Variants in TNS1 observed in about 807,000 individuals in gnomAD.
TNS1 encodes tensin-1.
A neutral mutation model predicts 168.6 loss-of-function variants in TNS1; 62 were observed. The ratio of observed to expected loss-of-function variants is 0.37; its 90% CI spans 0.30 to 0.45. The LOEUF (loss-of-function observed/expected upper bound fraction) is 0.45, where lower values mean the gene tolerates loss of function less well. TNS1 is among the 20% of genes least tolerant of loss of function. TNS1 has a pLI of 1.00. For missense variants in TNS1, 2,240 were observed against 2,339.4 expected (o/e 0.96, Z 0.88); for synonymous variants, 934 against 933.2 (o/e 1.00, Z -0.02).
rs1955553702 is a variant in TNS1 at position 217,920,050 on chromosome 2, C to T, written c.228+145G>A. The T allele has an allele frequency of 1.7e-5, 11 of 657,492 alleles. No homozygotes were observed. The East Asian group carries it at 2.2e-4, about 13-fold the overall frequency. 40.7% of individuals were successfully genotyped at this position (657,492 alleles called of 1,614,324 possible). On this transcript the variant is annotated intron_variant, in intron 4 of 32. Transcript: ENST00000682258. The stretch of plus-strand genomic sequence containing the variant: ...GACTCATTTCCTCCCAGGCCCGCTT[C>T]GGCCCAGGGAGGTCGACCCTCCTCC...
At chr2:217,978,734 C>T in intron 3 of TNS1, 31 bp downstream of exon 3, 2 of 701,898 alleles carry the variant, frequency 2.8e-6, no homozygotes, top group Non-Finnish European at 5.2e-6. Context: ...GTCCCAAGTC[C>T]TCCCGGGCCC....
At chr2:217,815,137 T>C (rs1941679932) in intron 24 of TNS1, 139 bp from the exon 25 acceptor site, 1 of 677,340 alleles carries the variant, frequency 1.5e-6, no homozygotes. Flanking sequence ...CAAATTAAGA[T>C]GAGGTCACAC....
intron 1 of TNS1, among the ~76,000 whole-genome samples, chr2:218,008,266 C>A (rs527746837): frequency 2.0e-4 from 31 of 152,324 alleles, no homozygotes; most frequent in African/African-American, 7.2e-4. Flanking sequence ...ACTCAGGCCC[C>A]GCAAAGGCTG....
At chr2:217,809,540 C>CATGG (rs1172756448) in intron 30 of TNS1, among the ~76,000 whole-genome samples, 956 of 10,520 alleles carry the variant, frequency 0.091, 227 homozygotes, top group Non-Finnish European at 0.12. Flanking sequence ...TGGATGGATG[C>CATGG]ATGGATGGAT....
At chr2:218,007,881 G>C (rs938773175), upstream of TNS1, among the ~76,000 whole-genome samples, 2 of 152,184 alleles carry the variant, frequency 1.3e-5, no homozygotes, top group Admixed American at 1.3e-4. Context: ...GCCCTGGCAT[G>C]AGATGCATCA....
At chr2:217,831,220 G>A (rs1200834949) in intron 22 of TNS1, among the ~76,000 whole-genome samples, 1 of 152,188 alleles carries the variant, frequency 6.6e-6, no homozygotes, top group South Asian at 2.1e-4. Flanking sequence ...GGCCTCCAAA[G>A]CCTCAAGCTA....
chr2:217,932,118 A>G (rs1438562558), intron 3 of TNS1, among the ~76,000 whole-genome samples: 1 of 152,190 alleles, frequency 6.6e-6, no homozygotes, highest in Non-Finnish European at 1.5e-5. Context: ...ACAGCTGTGC[A>G]CTAAACCCAA....
chr2:217,848,974 A>G lies in TNS1; in HGVS notation c.1543T>C (p.Ser515Pro). Residue 515 changes from serine (S) to proline (P), a missense_variant, in exon 19 of 33, where the codon TCG becomes CCG. By Grantham distance (74) the Ser-to-Pro change is moderately conservative. Transcript: ENST00000682258. ...GAVNATRPTL[S>P]ATPNHVEHTL... Reference sequence around the variant, plus strand: ...TGTTCCACGTGGTTGGGGGTGGCCGACAGTGTAGGACGTGTGGCATTAACA... The same window carrying G: ...TGTTCCACGTGGTTGGGGGTGGCCGGCAGTGTAGGACGTGTGGCATTAACA... 1.2e-6 allele frequency: 2 copies of G among 1,613,830 alleles called. No individual in the cohort carries two copies. The highest frequency in any genetic ancestry group is 1.6e-4 in the Middle Eastern group (1 of 6,062).
intron 18 of TNS1, among the ~76,000 whole-genome samples, chr2:217,878,651 C>G (rs986995065): frequency 1.3e-5 from 2 of 152,222 alleles, no homozygotes; most frequent in Admixed American, 1.3e-4. Context: ...CACGGACCCC[C>G]AAGAAAACAC....
rs114079285 is a variant in TNS1 at position 217,973,465 on chromosome 2, C to T, written c.186+5300G>A. On this transcript the variant is annotated intron_variant, in intron 3 of 32. Coordinates refer to ENST00000682258, the MANE Select transcript of TNS1 (RefSeq NM_001387777.1). ...AACAACTGGGGACAGATAAGGACCCCAATGAGGGGTAAGGGTGGGAATTAA... is the reference window on the plus strand; with the variant it reads ...AACAACTGGGGACAGATAAGGACCCTAATGAGGGGTAAGGGTGGGAATTAA... Among the ~76,000 whole-genome samples, 901 of 151,920 alleles carry T rather than the reference C, an allele frequency of 5.9e-3. 11 individuals carry two copies. Among genetic ancestry groups the T allele is most frequent in the African/African-American group, 0.021 (858 of 41,420 alleles).
chr2:217,941,549 G>A (rs1027546394), intron 3 of TNS1, among the ~76,000 whole-genome samples: 16 of 152,176 alleles, frequency 1.1e-4, no homozygotes, highest in East Asian at 3.9e-4. Context: ...GGGCCCCTGC[G>A]AGTGGTCTGC....
intron 31 of TNS1, 51 bp from the exon 32 acceptor site, chr2:217,808,158 G>T (rs1220027526): frequency 1.2e-6 from 2 of 1,602,420 alleles, no homozygotes; most frequent in East Asian, 2.2e-5. Flanking sequence ...TCTCCCTAGA[G>T]CCCAGCCCCA....
chr2:217,848,134 C>T lies in TNS1; in HGVS notation c.2383G>A (p.Ala795Thr). ...CTGGCTACAAGACTCTCCAAGTGGG[C>T]TCTTTCCTGCTGGCGTGGAGGTGGG... ...PRPPPRQQER[A>T]HLESLVASRP... is the part of the protein sequence containing the mutation. Residue 795 changes from alanine to threonine, a missense_variant, in exon 19 of 33, where the codon GCC (alanine) becomes ACC (threonine). By Grantham distance (58) the Ala-to-Thr change is moderately conservative. Around this residue, in one of 2 missense-constraint regions of TNS1, gnomAD observed 2,131 missense variants for 2,171.2 expected, o/e 0.98. Coordinates refer to ENST00000682258, the MANE Select transcript of TNS1 (RefSeq NM_001387777.1). 6.3e-7 allele frequency: 1 copy of T among 1,593,904 alleles called. No homozygotes were observed. Among genetic ancestry groups the T allele is most frequent in the South Asian group, 1.2e-5 (1 of 86,822 alleles).
Position 217,813,159 on chromosome 2 carries a change from G to T in TNS1, c.4954+56C>A. 7.2e-7 allele frequency: 1 copy of T among 1,380,238 alleles called. No homozygotes were observed. The highest frequency in any genetic ancestry group is 1.2e-5 in the South Asian group (1 of 81,362). The allele number at this position is 1,380,238 out of a possible 1,614,324, so 85.5% of individuals were successfully genotyped here. Reference sequence around the variant, plus strand: ...GGGGTCAGACCCCTGGAGGAACCCAGGACAGGACCAAGACTCAGGCCAGAC... The same window carrying T: ...GGGGTCAGACCCCTGGAGGAACCCATGACAGGACCAAGACTCAGGCCAGAC... On this transcript the variant is annotated intron_variant, in intron 27 of 32. Coordinates refer to ENST00000682258, the MANE Select transcript of TNS1 (RefSeq NM_001387777.1). The surrounding 1 kb of genome is among the most constrained non-coding windows in gnomAD (Gnocchi z 4.0).
In TNS1 at chr2:217,881,005, T is replaced by C; in HGVS notation, c.1322A>G (p.His441Arg). The C allele has an allele frequency of 6.2e-7, 1 of 1,613,592 alleles. No homozygotes were observed. Among genetic ancestry groups the C allele is most frequent in the Non-Finnish European group, 8.5e-7 (1 of 1,179,670 alleles). The change falls in exon 18 of 33, where the codon CAC (histidine) becomes CGC (arginine). Residue 441 changes from histidine (H) to arginine (R), a missense_variant. Physicochemically the swap from His to Arg is conservative, Grantham distance 29. Around this residue, in one of 2 missense-constraint regions of TNS1, gnomAD observed 2,131 missense variants for 2,171.2 expected, o/e 0.98. Coordinates refer to ENST00000682258, the MANE Select transcript of TNS1 (RefSeq NM_001387777.1). ...YGPEKIQGMEHLENGPSVSVD... is the reference protein window; with the variant it reads ...YGPEKIQGMERLENGPSVSVD... ...AGACACGCTCGGCCCGTTCTCCAGG[T>C]GCTCCATGCCTAAGTGGGATGGGAA... is the stretch of plus-strand genomic sequence containing the variant.
chr2:218,032,556 C>A lies in TNS1; in HGVS notation c.156+1264G>T, dbSNP rs1384851323. ...GCAGCAGGACTGGCAGTGGGTGCGC[C>A]CTGGCAGGCAGCCCAGATGTCTGGG... On this transcript the variant is annotated intron_variant, in intron 1 of 1. Coordinates refer to the TNS1 transcript ENST00000649572. The surrounding 1 kb of genome is among the most constrained non-coding windows in gnomAD (Gnocchi z 4.0). Among the ~76,000 whole-genome samples, 2 of 152,128 alleles carry A rather than the reference C, an allele frequency of 1.3e-5. No homozygotes were observed. Among genetic ancestry groups the A allele is most frequent in the Non-Finnish European group, 2.9e-5 (2 of 68,002 alleles).
chr2:217,800,140 A>G lies in TNS1; in HGVS notation c.*4319T>C, dbSNP rs1323719582. 5 of 152,276 alleles carry G rather than the reference A, an allele frequency of 3.3e-5. No individual in the cohort carries two copies. Among genetic ancestry groups the G allele is most frequent in the Non-Finnish European group, 7.3e-5 (5 of 68,096 alleles). The allele number at this position is 152,276 out of a possible 1,614,324, so 9.4% of individuals were successfully genotyped here. On this transcript the variant is annotated 3_prime_UTR_variant, in exon 33 of 33. Transcript: ENST00000682258. ...AGAAATGGGGAAACACAGCCTGCAC[A>G]CACTGATGTGCTCTCACACACACGC... is the stretch of plus-strand genomic sequence containing the variant.
intron 19 of TNS1, among the ~76,000 whole-genome samples, chr2:217,837,146 T>C (rs961501255): frequency 1.3e-5 from 2 of 151,990 alleles, no homozygotes; most frequent in African/African-American, 2.4e-5. Flanking sequence ...TGGGAAGAGA[T>C]TCCCCGCCCT....
intron 23 of TNS1, among the ~76,000 whole-genome samples, chr2:217,819,846 A>T (rs1331156754): frequency 6.6e-6 from 1 of 152,142 alleles, no homozygotes; most frequent in Non-Finnish European, 1.5e-5. Flanking sequence ...CCATGGGGAG[A>T]GGTCCTTACT....
Sources: allele counts gnomAD v4.1 joint callset (sites outside exome capture counted in the v4.1 genomes callset), GRCh38; gene constraint gnomAD v4.1.1; regional missense constraint gnomAD v4.1.1; non-coding constraint Gnocchi (gnomAD v3.1); transcripts MANE v1.5; gene names NCBI Gene and HGNC (gene_info 2026-07-23, HGNC 2026-07-21).